TRIM24: variants seen among roughly 807,000 people sequenced by gnomAD.
TRIM24 encodes the protein tripartite motif containing 24, also known as transcription intermediary factor 1-alpha.
A neutral mutation model predicts 123.9 loss-of-function variants in TRIM24; 29 were observed. The ratio of observed to expected loss-of-function variants is 0.23; its 90% CI spans 0.17 to 0.32. The LOEUF (loss-of-function observed/expected upper bound fraction) is 0.32, where lower values mean the gene tolerates loss of function less well. TRIM24 is among the 10% of genes least tolerant of loss of function. The pLI is 1.00. For missense variants in TRIM24, 932 were observed against 1,295.3 expected, an observed-to-expected ratio of 0.72 and a Z score of 4.31; for synonymous variants, 456 against 461.1, an observed-to-expected ratio of 0.99 and a Z score of 0.14.
At position 138,460,695 on chromosome 7, in the gene TRIM24, G is replaced by A; in HGVS notation, c.147G>A (p.Arg49=). 6.4e-7 allele frequency: 1 copy of A among 1,551,080 alleles called. No individual in the cohort carries two copies. The highest frequency in any genetic ancestry group is 1.2e-5 in the South Asian group (1 of 85,018). ...PDSERGGEAA[R]LNLLDTCAVC... is the part of the protein sequence containing the mutation. ...CGGAGCGCGGCGGCGAGGCGGCCCG[G>A]CTCAACCTGTTGGACACTTGCGCCG... Residue 49 remains arginine (R), a synonymous_variant, in exon 1 of 19, where the codon CGG becomes CGA. Transcript: ENST00000343526.
At chr7:138,531,481 C>T (rs1362488755) in intron 6 of TRIM24, among the ~76,000 whole-genome samples, 1 of 149,066 alleles carries the variant, frequency 6.7e-6, no homozygotes, top group Non-Finnish European at 1.5e-5. Context: ...GGTTTTTTGT[C>T]CCTGCGATAG....
At chr7:138,515,413 T>G (rs1307327065) in intron 3 of TRIM24, 54 bp downstream of exon 3, 1 of 1,588,596 alleles carries the variant, frequency 6.3e-7, no homozygotes, top group Non-Finnish European at 8.6e-7. Flanking sequence ...CGTCTTTTCT[T>G]CCTTCCTGTA....
rs757250911 is a variant in TRIM24, at chr7:138,460,686, G to A, written c.138G>A (p.Glu46=). The change falls in exon 1 of 19, where the codon GAG becomes GAA. Residue 46 remains glutamate, a synonymous_variant. Coordinates refer to ENST00000343526, the MANE Select transcript of TRIM24 (RefSeq NM_015905.3). ...RQGPDSERGG[E]AARLNLLDTC... Reference sequence around the variant, plus strand: ...GCCCGGACTCGGAGCGCGGCGGCGAGGCGGCCCGGCTCAACCTGTTGGACA... The same window carrying A: ...GCCCGGACTCGGAGCGCGGCGGCGAAGCGGCCCGGCTCAACCTGTTGGACA... The A allele has an allele frequency of 3.3e-5, 50 of 1,535,416 alleles. No homozygotes were observed. The Middle Eastern group carries it at 6.1e-4, about 19-fold the overall frequency.
In TRIM24 at chr7:138,478,852, G is replaced by C. The variant is rs143015010; in HGVS notation, c.364+17940G>C. On this transcript the variant is annotated intron_variant, in intron 1 of 18. Transcript: ENST00000343526. ...TAGTTGGTGGTTTCTGATTAGTTAA[G>C]CTTAAGTTCACTTTGAGTTTGGTTT... is the stretch of plus-strand genomic sequence containing the variant. Among the ~76,000 whole-genome samples, 45 of 152,298 alleles carry C rather than the reference G, an allele frequency of 3.0e-4. No homozygotes were observed. In the East Asian group the frequency reaches 7.5e-3, roughly 26 times the overall value.
At chr7:138,558,876 C>G (rs990968016) in intron 9 of TRIM24, among the ~76,000 whole-genome samples, 3 of 152,088 alleles carry the variant, frequency 2.0e-5, no homozygotes, top group Non-Finnish European at 2.9e-5. Context: ...ATAAGTGGAC[C>G]AAGTCATGCA....
At chr7:138,573,377 T>C (rs2116675807) in intron 11 of TRIM24, 130 bp from the exon 12 acceptor site, 8 of 857,046 alleles carry the variant, frequency 9.3e-6, no homozygotes, top group Non-Finnish European at 1.1e-5. Context: ...TGTTAGAACT[T>C]CTCAAATGTG....
intron 2 of TRIM24, among the ~76,000 whole-genome samples, chr7:138,508,835 C>A (rs1022015852): frequency 6.6e-6 from 1 of 151,860 alleles, no homozygotes; most frequent in Non-Finnish European, 1.5e-5. Flanking sequence ...TCCTAGGTGC[C>A]TTGATTCCTT....
intron 1 of TRIM24, among the ~76,000 whole-genome samples, chr7:138,463,183 C>T (rs1020832839): frequency 1.1e-4 from 17 of 151,410 alleles, no homozygotes; most frequent in Admixed American, 8.6e-4. Context: ...AGCCACCGCA[C>T]CTGGCCTGTT....
chr7:138,550,997 G>A (rs1028115782), intron 7 of TRIM24, 66 bp from the exon 8 acceptor site: 13 of 1,307,060 alleles, frequency 9.9e-6, no homozygotes. Flanking sequence ...GACTGTTTTT[G>A]TATATTTACT....
In TRIM24 at chr7:138,545,163, CGTGTGTGT is replaced by C. The variant is rs3073156; in HGVS notation, c.1144-5885_1144-5878del. On this transcript the variant is annotated intron_variant, in intron 7 of 18. Transcript: ENST00000343526. ...CAATATACATAATACATAAAATCTG[CGTGTGTGT>C]GTGTGTGTGTGTGTATCTATATATT... 2.7e-5 allele frequency among the ~76,000 whole-genome samples: 4 copies of C among 149,482 alleles called. No individual in the cohort carries two copies. In the South Asian group the frequency reaches 6.3e-4, roughly 24 times the overall value.
At chr7:138,573,329 G>GA (rs1797693956) in intron 11 of TRIM24, among the ~76,000 whole-genome samples, 178 bp from the exon 12 acceptor site, 1 of 152,174 alleles carries the variant, frequency 6.6e-6, no homozygotes, top group Non-Finnish European at 1.5e-5. Flanking sequence ...CTAAGATAGT[G>GA]AAAACCTTTA....
At chr7:138,485,975 A>T (rs530749123) in intron 1 of TRIM24, among the ~76,000 whole-genome samples, 1 of 152,150 alleles carries the variant, frequency 6.6e-6, no homozygotes, top group African/African-American at 2.4e-5. Context: ...AAGTGTTCCT[A>T]TTTCTCCACA....
At chr7:138,500,820 C>T (rs182800346) in intron 1 of TRIM24, among the ~76,000 whole-genome samples, 9 of 152,162 alleles carry the variant, frequency 5.9e-5, no homozygotes, top group Admixed American at 4.6e-4. Context: ...CTACTACACA[C>T]CAAGAGAATA....
chr7:138,569,932 TTCA>T (rs1797618347), intron 10 of TRIM24, among the ~76,000 whole-genome samples: 2 of 151,780 alleles, frequency 1.3e-5, no homozygotes, highest in African/African-American at 2.4e-5. Flanking sequence ...CCTTTGTCCA[TTCA>T]TCAAGTCATC....
At chr7:138,509,972 G>A (rs868745807) in intron 2 of TRIM24, among the ~76,000 whole-genome samples, 2 of 152,144 alleles carry the variant, frequency 1.3e-5, no homozygotes, top group East Asian at 1.9e-4. Context: ...GGCTTCTGAC[G>A]GGCAGAAGTA....
chr7:138,526,555 G>A (rs952949183), intron 5 of TRIM24, among the ~76,000 whole-genome samples: 16 of 151,776 alleles, frequency 1.1e-4, no homozygotes, highest in Admixed American at 3.3e-4. Context: ...GGGATTACAG[G>A]TGCCCACCAC....
intron 1 of TRIM24, among the ~76,000 whole-genome samples, chr7:138,487,045 G>T (rs6970175): frequency 0.27 from 40,809 of 151,970 alleles, 6,177 homozygotes; most frequent in East Asian, 0.5. Flanking sequence ...CCTTGAAGAG[G>T]TCCTTCACAT....
intron 1 of TRIM24, among the ~76,000 whole-genome samples, chr7:138,464,186 C>CG (rs2116441361): frequency 6.6e-6 from 1 of 151,168 alleles, no homozygotes; most frequent in East Asian, 2.0e-4. Context: ...TTAGTAGAGA[C>CG]GGGGTTTCAC....
chr7:138,476,896 C>T (rs1795414395), intron 1 of TRIM24, among the ~76,000 whole-genome samples: 1 of 151,936 alleles, frequency 6.6e-6, no homozygotes, highest in East Asian at 1.9e-4. Flanking sequence ...TTGATATGAC[C>T]ACCAATAAAT....
Sources: allele counts gnomAD v4.1 joint callset (sites outside exome capture counted in the v4.1 genomes callset), GRCh38; gene constraint gnomAD v4.1.1; transcripts MANE v1.5; gene names NCBI Gene and HGNC (gene_info 2026-07-23, HGNC 2026-07-21).